Variants in SRGAP1 observed in about 807,000 individuals in gnomAD.
The protein encoded by SRGAP1 is SLIT-ROBO Rho GTPase activating protein 1.
SRGAP1 carries 43 observed loss-of-function variants against 121.9 expected under a neutral mutation model. The observed-to-expected ratio is 0.35, with a 90% confidence interval of 0.28 to 0.46. SRGAP1 has a LOEUF of 0.46. Among genes scored for constraint, SRGAP1 ranks in the 20% least tolerant of loss-of-function variants. The probability of loss-of-function intolerance (pLI) is 1.00; values close to 1 mark genes in which losing one functional copy is unlikely to be tolerated. For missense variants in SRGAP1, 1,102 were observed against 1,350.9 expected (o/e 0.82, Z 2.89); for synonymous variants, 447 against 485.4 (o/e 0.92, Z 1.04).
At chr12:63,943,347 C>T (rs1034547886) in intron 1 of SRGAP1, among the ~76,000 whole-genome samples, 1 of 152,128 alleles carries the variant, frequency 6.6e-6, no homozygotes, top group African/African-American at 2.4e-5. Context: ...TTTTATATCC[C>T]ACAGAGTTAG....
intron 1 of SRGAP1, among the ~76,000 whole-genome samples, chr12:63,944,375 A>T (rs533905883): frequency 9.9e-5 from 15 of 152,170 alleles, no homozygotes; most frequent in East Asian, 9.6e-4. Flanking sequence ...ATGTCTACTA[A>T]GGGCCCACTT....
At chr12:64,086,934 A>G (rs943483536) in intron 10 of SRGAP1, 65 bp from the exon 11 acceptor site, 21 of 1,239,010 alleles carry the variant, frequency 1.7e-5, no homozygotes, top group Non-Finnish European at 2.3e-5. Context: ...AGGAGATACA[A>G]AAGAGTACCA....
chr12:63,873,665 T>TTATA (rs969078029), intron 1 of SRGAP1, among the ~76,000 whole-genome samples: 1 of 151,978 alleles, frequency 6.6e-6, no homozygotes, highest in Non-Finnish European at 1.5e-5. Context: ...AGATTTTATT[T>TTATA]TATTTATTTA....
chr12:64,129,248 G>A (rs1031135980), intron 21 of SRGAP1, among the ~76,000 whole-genome samples: 2 of 152,140 alleles, frequency 1.3e-5, no homozygotes, highest in African/African-American at 4.8e-5. Flanking sequence ...TGCAGGCTGA[G>A]GAGCAAGGAG....
intron 18 of SRGAP1, among the ~76,000 whole-genome samples, chr12:64,121,070 G>A (rs559920599): frequency 4.1e-5 from 6 of 146,006 alleles, no homozygotes; most frequent in Non-Finnish European, 7.4e-5. Flanking sequence ...CTGGAGTACA[G>A]TGGCACAATC....
chr12:63,916,847 C>T (rs2030802137), intron 1 of SRGAP1, among the ~76,000 whole-genome samples: 1 of 152,152 alleles, frequency 6.6e-6, no homozygotes, highest in Admixed American at 6.5e-5. Flanking sequence ...TACTCTTCTG[C>T]TCCACCCTCT....
intron 1 of SRGAP1, among the ~76,000 whole-genome samples, chr12:63,861,386 G>A (rs1011261218): frequency 2.0e-5 from 3 of 149,984 alleles, no homozygotes; most frequent in South Asian, 2.1e-4. Flanking sequence ...TGCAACCTCC[G>A]CCTCCCAGGA....
At position 64,038,690 on chromosome 12, in the gene SRGAP1, A is replaced by C. The variant is rs182339903; in HGVS notation, c.490-4100A>C. ...GCAAGTTATCATATAGGATATCCCAATCTCCTAAGGAAATTCATGACGTGG... is the reference window on the plus strand; with the variant it reads ...GCAAGTTATCATATAGGATATCCCACTCTCCTAAGGAAATTCATGACGTGG... On this transcript the variant is annotated intron_variant, in intron 4 of 21. Coordinates refer to ENST00000355086, the MANE Select transcript of SRGAP1 (RefSeq NM_020762.4). The C allele has an allele frequency of 1.1e-4, 17 of 152,230 alleles. 1 individual carries two copies. Among genetic ancestry groups the C allele is most frequent in the Non-Finnish European group, 2.2e-4 (15 of 68,044 alleles). The allele number at this position is 152,230 out of a possible 1,614,324, so 9.4% of individuals were successfully genotyped here.
chr12:64,091,755 A>G (rs918074726), intron 12 of SRGAP1: 7 of 653,066 alleles, frequency 1.1e-5, no homozygotes, highest in Non-Finnish European at 1.8e-5. Context: ...TCTGAAACAC[A>G]GCAGGAGTTT....
chr12:63,867,186 C>T (rs996558213), intron 1 of SRGAP1, among the ~76,000 whole-genome samples: 17 of 152,168 alleles, frequency 1.1e-4, no homozygotes, highest in African/African-American at 1.9e-4. Flanking sequence ...AATCTTGCTA[C>T]GAAACTAAAC....
At chr12:63,854,747 C>T (rs891193285) in intron 1 of SRGAP1, among the ~76,000 whole-genome samples, 4 of 152,138 alleles carry the variant, frequency 2.6e-5, no homozygotes, top group African/African-American at 4.8e-5. Context: ...AAAAATACTA[C>T]AAGCTATTGA....
At chr12:63,990,217 T>A (rs1278684294) in intron 3 of SRGAP1, 145 bp downstream of exon 3, 1 of 691,422 alleles carries the variant, frequency 1.4e-6, no homozygotes, top group African/African-American at 1.8e-5. Context: ...GATGAATGGA[T>A]GTTTTAAAGA....
rs140818788 is a variant in SRGAP1 at position 63,991,933 on chromosome 12, C to T, written c.426+1861C>T. 4.8e-3 allele frequency among the ~76,000 whole-genome samples: 725 copies of T among 152,168 alleles called. 4 individuals are homozygous for T. Among genetic ancestry groups the T allele is most frequent in the African/African-American group, 0.017 (687 of 41,512 alleles). ...TCATTACAGTAATTAACAGTTACTACGCTAAATGGAACTGGAAGGCTGGAG... is the reference window on the plus strand; with the variant it reads ...TCATTACAGTAATTAACAGTTACTATGCTAAATGGAACTGGAAGGCTGGAG... On this transcript the variant is annotated intron_variant, in intron 3 of 21. Coordinates refer to ENST00000355086, the MANE Select transcript of SRGAP1 (RefSeq NM_020762.4).
chr12:63,947,100 A>T (rs867859993), intron 1 of SRGAP1, among the ~76,000 whole-genome samples: 1 of 152,192 alleles, frequency 6.6e-6, no homozygotes, highest in African/African-American at 2.4e-5. Flanking sequence ...TGCTATGCAC[A>T]TTTGTGTACA....
intron 1 of SRGAP1, among the ~76,000 whole-genome samples, chr12:63,917,521 C>T (rs1004288762): frequency 1.3e-5 from 2 of 151,976 alleles, no homozygotes; most frequent in African/African-American, 4.8e-5. Flanking sequence ...AATTTGCTAC[C>T]ATAATTTTTG....
intron 1 of SRGAP1, among the ~76,000 whole-genome samples, chr12:63,884,643 G>A (rs1900310086): frequency 6.6e-6 from 1 of 151,032 alleles, no homozygotes. Context: ...TTTATTCCCC[G>A]TACCTAATTG....
intron 1 of SRGAP1, among the ~76,000 whole-genome samples, chr12:63,898,564 T>C (rs1900828996): frequency 6.6e-6 from 1 of 152,210 alleles, no homozygotes; most frequent in Non-Finnish European, 1.5e-5. Flanking sequence ...ACTGAATGTG[T>C]TGCAGAGACT....
At chr12:64,023,376 C>G (rs1251874146) in intron 4 of SRGAP1, among the ~76,000 whole-genome samples, 1 of 152,052 alleles carries the variant, frequency 6.6e-6, no homozygotes, top group Non-Finnish European at 1.5e-5. Context: ...CTTCATCGGC[C>G]CAGTAAAGAG....
intron 4 of SRGAP1, among the ~76,000 whole-genome samples, chr12:64,018,283 G>GTTTCGCCA (rs1249254171): frequency 6.6e-6 from 1 of 152,076 alleles, no homozygotes; most frequent in Non-Finnish European, 1.5e-5. Flanking sequence ...TAGAGACAGG[G>GTTTCGCCA]TTTCGCCATG....
Sources: allele counts gnomAD v4.1 joint callset (sites outside exome capture counted in the v4.1 genomes callset), GRCh38; gene constraint gnomAD v4.1.1; transcripts MANE v1.5; gene names NCBI Gene and HGNC (gene_info 2026-07-23, HGNC 2026-07-21).